The following STARD9 variants were observed in gnomAD, a reference collection of about 807,000 sequenced individuals.
STARD9 encodes the protein StAR related lipid transfer domain containing 9.
Under a neutral mutation model 399.8 loss-of-function variants are expected in STARD9, and 346 were observed. The ratio of observed to expected loss-of-function variants is 0.87; its 90% confidence interval spans 0.79 to 0.95. The LOEUF (loss-of-function observed/expected upper bound fraction) is 0.95, where lower values mean the gene tolerates loss of function less well. Among genes scored for constraint, STARD9 ranks in the 40% least tolerant of loss-of-function variants. The probability of loss-of-function intolerance (pLI) is 0.00; values close to 1 mark genes in which losing one functional copy is unlikely to be tolerated. For synonymous variants in STARD9, 2,203 were observed against 2,143.5 expected (o/e 1.03, Z -0.77); for missense variants, 5,832 against 5,667.5 (o/e 1.03, Z -0.93).
At chr15:42,589,546 A>G (rs2058352902) in intron 3 of STARD9, among the ~76,000 whole-genome samples, 1 of 152,126 alleles carries the variant, frequency 6.6e-6, no homozygotes, top group Non-Finnish European at 1.5e-5. Flanking sequence ...AATGGAATCA[A>G]ACAGTATGTA....
intron 3 of STARD9, among the ~76,000 whole-genome samples, chr15:42,603,665 C>G (rs1427852240): frequency 1.3e-5 from 2 of 151,924 alleles, no homozygotes; most frequent in African/African-American, 4.8e-5. Context: ...GTTTTGCAGG[C>G]AGGGGGCTAG....
chr15:42,687,351 A>G lies in STARD9; in HGVS notation c.5773A>G (p.Thr1925Ala), dbSNP rs1419889867. 3 of 1,536,762 alleles carry G rather than the reference A, an allele frequency of 2.0e-6. No individual in the cohort carries two copies. The highest frequency in any genetic ancestry group is 2.0e-5 in the Admixed American group (1 of 51,002). Residue 1925 changes from threonine (T) to alanine (A), a missense_variant, in exon 23 of 33, where the codon ACG becomes GCG. Transcript: ENST00000290607. ...AGAGGAAGAAGAGCTGGATCAGAAT[A>G]CGGTTCTGAGGCAGACCATCAATGT... Reference protein sequence around the residue: ...AREEEELDQNTVLRQTINVSL... With the variant: ...AREEEELDQNAVLRQTINVSL...
chr15:42,649,997 G>T (rs2141985453), intron 7 of STARD9, among the ~76,000 whole-genome samples: 1 of 151,284 alleles, frequency 6.6e-6, no homozygotes, highest in African/African-American at 2.4e-5. Flanking sequence ...CTCCCGAGTA[G>T]CTGGGATTAC....
At chr15:42,585,179 G>C (rs1004681593) in intron 2 of STARD9, among the ~76,000 whole-genome samples, 3 of 152,040 alleles carry the variant, frequency 2.0e-5, no homozygotes, top group Non-Finnish European at 2.9e-5. Context: ...TTCCGAAACA[G>C]TTCTGGTCCC....
At chr15:42,593,680 T>TC (rs1342247748) in intron 3 of STARD9, among the ~76,000 whole-genome samples, 2 of 139,012 alleles carry the variant, frequency 1.4e-5, no homozygotes, top group Non-Finnish European at 3.2e-5. Flanking sequence ...TTTTTTTTTT[T>TC]TGAGACAGAG....
chr15:42,609,290 T>C (rs1430028384), intron 3 of STARD9, among the ~76,000 whole-genome samples: 1 of 152,108 alleles, frequency 6.6e-6, no homozygotes, highest in Admixed American at 6.6e-5. Flanking sequence ...GTGACCCAAG[T>C]CCTCTCTCTA....
Position 42,665,242 on chromosome 15 carries a change from C to T in STARD9, c.1177-11C>T. 6.5e-7 allele frequency: 1 copy of T among 1,535,218 alleles called. No individual in the cohort carries two copies. The highest frequency in any genetic ancestry group is 8.7e-7 in the Non-Finnish European group (1 of 1,145,192). On this transcript the variant is annotated splice_polypyrimidine_tract_variant and intron_variant, in intron 13 of 32. Coordinates refer to ENST00000290607, the MANE Select transcript of STARD9 (RefSeq NM_020759.3). Reference sequence around the variant, plus strand: ...TAACAATCAGTGGTGATGGAGTTCTCTGTGTTTCAGGATGCAAACTTAAAA... The same window carrying T: ...TAACAATCAGTGGTGATGGAGTTCTTTGTGTTTCAGGATGCAAACTTAAAA...
At chr15:42,664,108 A>T (rs2060043649) in intron 13 of STARD9, among the ~76,000 whole-genome samples, 191 bp downstream of exon 13, 1 of 152,168 alleles carries the variant, frequency 6.6e-6, no homozygotes, top group Non-Finnish European at 1.5e-5. Flanking sequence ...TTCATTCAGT[A>T]ACCTTTTATG....
chr15:42,694,996 G>A, intron 24 of STARD9, 144 bp from the exon 25 acceptor site: 2 of 804,234 alleles, frequency 2.5e-6, no homozygotes, highest in South Asian at 3.8e-5. Context: ...CTCTCCTGAG[G>A]CTAAAAAATC....
intron 9 of STARD9, 74 bp from the exon 10 acceptor site, chr15:42,661,084 T>A: frequency 9.0e-7 from 1 of 1,112,994 alleles, no homozygotes; most frequent in Non-Finnish European, 1.3e-6. Context: ...AATATCACCT[T>A]GGTTAGAAGA....
intron 12 of STARD9, 162 bp downstream of exon 12, chr15:42,663,652 T>G: frequency 1.6e-6 from 1 of 612,986 alleles, no homozygotes; most frequent in Non-Finnish European, 2.9e-6. Context: ...ATGCCAGAGC[T>G]GGATCTGTGT....
chr15:42,665,760 C>CA, intron 14 of STARD9, 26 bp from the exon 15 acceptor site: 1 of 1,535,258 alleles, frequency 6.5e-7, no homozygotes, highest in South Asian at 1.2e-5. Flanking sequence ...AGGAAAATAT[C>CA]AAAGCACATC....
intron 3 of STARD9, among the ~76,000 whole-genome samples, chr15:42,606,129 G>A (rs1390531243): frequency 6.6e-6 from 1 of 152,188 alleles, no homozygotes; most frequent in African/African-American, 2.4e-5. Context: ...CAGTCTTCCA[G>A]GTACTGTATT....
intron 3 of STARD9, among the ~76,000 whole-genome samples, chr15:42,591,511 A>G (rs543574596): frequency 6.6e-6 from 1 of 151,504 alleles, no homozygotes; most frequent in African/African-American, 2.4e-5. Context: ...AAATGTCTGG[A>G]CATTAGCCAC....
Position 42,695,759 on chromosome 15 carries a change from A to G in STARD9, c.13163A>G (p.His4388Arg), listed in dbSNP as rs547931561. Residue 4388 changes from histidine to arginine, a missense_variant, in exon 26 of 33, where the codon CAT becomes CGT. His to Arg is a conservative substitution (Grantham distance 29, BLOSUM62 0). Coordinates refer to ENST00000290607, the MANE Select transcript of STARD9 (RefSeq NM_020759.3). ...SQLLKEEDKLHTLANSSSLCT... is the reference protein window; with the variant it reads ...SQLLKEEDKLRTLANSSSLCT... ...CCTTCCCAGGAAGAGGATAAACTAC[A>G]TACCTTGGCCAATTCCAGCTCCCTG... The G allele has an allele frequency of 6.2e-5, 96 of 1,537,226 alleles. 3 individuals carry two copies. The South Asian group carries it at 1.1e-3, about 18-fold the overall frequency.
In STARD9 at chr15:42,685,151, C is replaced by G. The variant is rs768366208; in HGVS notation, c.3573C>G (p.Asp1191Glu). Residue 1191 changes from aspartate to glutamate, a missense_variant, in exon 23 of 33, where the codon GAC becomes GAG. Physicochemically the swap from Asp to Glu is conservative, Grantham distance 45. Coordinates refer to ENST00000290607, the MANE Select transcript of STARD9 (RefSeq NM_020759.3). ...ASVRGFTAAS[D>E]SDLLAQTHRS... The stretch of plus-strand genomic sequence containing the variant: ...TGAGGGGCTTCACTGCAGCCTCAGA[C>G]AGTGACCTACTTGCTCAAACTCATA... 13 of 1,537,086 alleles carry G rather than the reference C, an allele frequency of 8.5e-6. No homozygotes were observed. In the African/African-American group the frequency reaches 1.6e-4, roughly 19 times the overall value.
At chr15:42,622,914 G>A (rs1437390258) in intron 3 of STARD9, among the ~76,000 whole-genome samples, 2 of 152,214 alleles carry the variant, frequency 1.3e-5, no homozygotes, top group African/African-American at 2.4e-5. Context: ...TCAAGGTAGG[G>A]ACCTCTCTCA....
At position 42,686,741 on chromosome 15, in the gene STARD9, A is replaced by G. The variant is rs1422319069; in HGVS notation, c.5163A>G (p.Ser1721=). Reference sequence around the variant, plus strand: ...TAAATGTTTCCTTTGCCCTTCCTTCAGGTCCAGAGCTATACCTTCACTCTG... The same window carrying G: ...TAAATGTTTCCTTTGCCCTTCCTTCGGGTCCAGAGCTATACCTTCACTCTG... ...RHINVSFALP[S]GPELYLHSAP... The change falls in exon 23 of 33, where the codon TCA becomes TCG. Residue 1721 remains serine (S), a synonymous_variant. Transcript: ENST00000290607. 1 of 1,537,478 alleles carries G rather than the reference A, an allele frequency of 6.5e-7. No homozygotes were observed. Among genetic ancestry groups the G allele is most frequent in the African/African-American group, 1.4e-5 (1 of 73,048 alleles).
In STARD9 at chr15:42,583,392, G is replaced by T; in HGVS notation, c.94G>T (p.Val32Leu). 1 of 1,537,132 alleles carries T rather than the reference G, an allele frequency of 6.5e-7. No individual in the cohort carries two copies. Among genetic ancestry groups the T allele is most frequent in the Non-Finnish European group, 8.7e-7 (1 of 1,146,764 alleles). ...GRIIVEVDGKVAKIRNLKVDN... is the reference protein window; with the variant it reads ...GRIIVEVDGKLAKIRNLKVDN... ...AATTATTGTGGAAGTTGATGGCAAA[G>T]TGGCAAAAATCAGGAATTTAAAGGT... The change falls in exon 2 of 33, where the codon GTG becomes TTG. Residue 32 changes from valine to leucine, a missense_variant. By Grantham distance (32) the Val-to-Leu change is conservative. Coordinates refer to ENST00000290607, the MANE Select transcript of STARD9 (RefSeq NM_020759.3).
Sources: allele counts gnomAD v4.1 joint callset (sites outside exome capture counted in the v4.1 genomes callset), GRCh38; gene constraint gnomAD v4.1.1; transcripts MANE v1.5; gene names NCBI Gene and HGNC (gene_info 2026-07-23, HGNC 2026-07-21).